Variants in SUMF1 observed in about 807,000 individuals in gnomAD.
The protein encoded by SUMF1 is sulfatase modifying factor 1.
Under a neutral mutation model 47.6 loss-of-function variants are expected in SUMF1, and 48 were observed. That is an observed-to-expected ratio of 1.01 (90% CI 0.80 to 1.28). The LOEUF (loss-of-function observed/expected upper bound fraction) is 1.28, where lower values mean the gene tolerates loss of function less well. Among genes scored for constraint, SUMF1 ranks in the 50% most tolerant of loss-of-function variants. The pLI is 0.00. For missense variants in SUMF1, 571 were observed against 485.4 expected (o/e 1.18, Z -1.66); for synonymous variants, 230 against 192.1 (o/e 1.20, Z -1.63).
intron 8 of SUMF1, among the ~76,000 whole-genome samples, chr3:4,088,488 A>C (rs1045055950): frequency 6.6e-6 from 1 of 152,054 alleles, no homozygotes; most frequent in Non-Finnish European, 1.5e-5. Flanking sequence ...CCATTACCAC[A>C]AACACCACTA....
At chr3:4,148,036 A>T (rs1694236501) in intron 8 of SUMF1, among the ~76,000 whole-genome samples, 1 of 152,174 alleles carries the variant, frequency 6.6e-6, no homozygotes, top group South Asian at 2.1e-4. Flanking sequence ...GCACATTTTA[A>T]AAAAATGAAG....
chr3:4,365,970 T>C, intron 8 of SUMF1, among the ~76,000 whole-genome samples: 1 of 152,106 alleles, frequency 6.6e-6, no homozygotes, highest in Non-Finnish European at 1.5e-5. Context: ...TCTCCTTCAC[T>C]TATGAAGCTT....
chr3:4,406,582 C>T (rs1364104077), intron 7 of SUMF1, among the ~76,000 whole-genome samples: 2 of 152,142 alleles, frequency 1.3e-5, no homozygotes, highest in African/African-American at 4.8e-5. Flanking sequence ...ATTGCCTGTA[C>T]CTGGGAGGCG....
chr3:4,310,280 G>A (rs1351678755), intron 8 of SUMF1, among the ~76,000 whole-genome samples: 1 of 152,108 alleles, frequency 6.6e-6, no homozygotes, highest in Non-Finnish European at 1.5e-5. Flanking sequence ...ATAATAAATA[G>A]CTTTTCAATA....
chr3:4,056,064 A>G (rs1695186961), intron 9 of SUMF1, among the ~76,000 whole-genome samples: 1 of 152,158 alleles, frequency 6.6e-6, no homozygotes, highest in Admixed American at 6.6e-5. Context: ...GCCCACCCAG[A>G]TAATCCAGGA....
At position 4,194,582 on chromosome 3, in the gene SUMF1, T is replaced by C. The variant is rs565445261; in HGVS notation, c.1015-125837A>G. ...CTAAACAGTCCAGAATTTACTATAA[T>C]GTATAATAATAACAGACTCAAAAGT... On this transcript the variant is annotated intron_variant and NMD_transcript_variant, in intron 8 of 12. Coordinates refer to the SUMF1 transcript ENST00000448413. 2.0e-5 allele frequency among the ~76,000 whole-genome samples: 3 copies of C among 152,296 alleles called. No homozygotes were observed. In the South Asian group the frequency reaches 6.2e-4, roughly 32 times the overall value.
intron 8 of SUMF1, among the ~76,000 whole-genome samples, chr3:4,177,069 G>A (rs1348580034): frequency 1.3e-5 from 2 of 152,090 alleles, no homozygotes; most frequent in Admixed American, 1.3e-4. Flanking sequence ...AAGAGACTCA[G>A]ACTCCCACAC....
intron 8 of SUMF1, among the ~76,000 whole-genome samples, chr3:4,269,600 A>C (rs751647387): frequency 6.6e-6 from 1 of 152,226 alleles, no homozygotes; most frequent in Non-Finnish European, 1.5e-5. Context: ...GAGGAGAGTT[A>C]ACAAAGACCA....
intron 8 of SUMF1, among the ~76,000 whole-genome samples, chr3:4,253,570 G>A (rs1417376911): frequency 6.8e-6 from 1 of 146,904 alleles, no homozygotes; most frequent in Admixed American, 6.6e-5. Flanking sequence ...AAAAAACGGC[G>A]CACCATGAGA....
chr3:4,356,837 G>A (rs1013191163), downstream of SUMF1, among the ~76,000 whole-genome samples: 3 of 152,210 alleles, frequency 2.0e-5, no homozygotes, highest in Non-Finnish European at 2.9e-5. Flanking sequence ...AGCCATGGAC[G>A]AGAACAGAGC....
downstream of SUMF1, among the ~76,000 whole-genome samples, chr3:4,357,239 G>C (rs1409885145): frequency 2.0e-5 from 3 of 150,144 alleles, no homozygotes; most frequent in Non-Finnish European, 4.4e-5. Flanking sequence ...CTAATCCCTT[G>C]CATAAAATTC....
intron 8 of SUMF1, among the ~76,000 whole-genome samples, chr3:4,179,493 C>G (rs998830599): frequency 4.6e-5 from 7 of 152,120 alleles, no homozygotes; most frequent in African/African-American, 1.4e-4. Context: ...ACGTAGAAAG[C>G]TGAAACTGGA....
intron 8 of SUMF1, among the ~76,000 whole-genome samples, chr3:4,231,743 A>G (rs1213399667): frequency 1.3e-5 from 2 of 152,134 alleles, no homozygotes; most frequent in Non-Finnish European, 2.9e-5. Context: ...AAGTGTGTCA[A>G]CAGCTGCATG....
intron 7 of SUMF1, among the ~76,000 whole-genome samples, chr3:4,378,242 C>T (rs1340980902): frequency 6.6e-6 from 1 of 152,106 alleles, no homozygotes; most frequent in Non-Finnish European, 1.5e-5. Context: ...GAACACAAAG[C>T]CTATTTTATA....
At chr3:4,034,531 G>C (rs1419288314) in intron 9 of SUMF1, among the ~76,000 whole-genome samples, 1 of 152,120 alleles carries the variant, frequency 6.6e-6, no homozygotes, top group Non-Finnish European at 1.5e-5. Context: ...ATAGCTTCCT[G>C]TCCCTCTCCC....
At chr3:4,401,714 C>A (rs1466302899) in intron 7 of SUMF1, among the ~76,000 whole-genome samples, 1 of 152,196 alleles carries the variant, frequency 6.6e-6, no homozygotes, top group Non-Finnish European at 1.5e-5. Flanking sequence ...TTATTCAGCA[C>A]AGCAGAAAGA....
intron 8 of SUMF1, among the ~76,000 whole-genome samples, chr3:4,269,017 T>C (rs1697254237): frequency 6.6e-6 from 1 of 152,134 alleles, no homozygotes; most frequent in Admixed American, 6.6e-5. Context: ...AGTGTTAATT[T>C]TTAAAGTAAC....
intron 9 of SUMF1, among the ~76,000 whole-genome samples, chr3:4,036,972 T>G (rs991134092): frequency 1.3e-5 from 2 of 151,338 alleles, no homozygotes; most frequent in South Asian, 4.2e-4. Flanking sequence ...CTTCAGAGTA[T>G]GAAGATGACC....
At chr3:4,237,746 G>A (rs1439662390) in intron 8 of SUMF1, among the ~76,000 whole-genome samples, 1 of 151,888 alleles carries the variant, frequency 6.6e-6, no homozygotes, top group East Asian at 1.9e-4. Flanking sequence ...TCATATTTTA[G>A]GATTTTTGTA....
Sources: allele counts gnomAD v4.1 joint callset (sites outside exome capture counted in the v4.1 genomes callset), GRCh38; gene constraint gnomAD v4.1.1; transcripts MANE v1.5; gene names NCBI Gene and HGNC (gene_info 2026-07-23, HGNC 2026-07-21).